Variants in DIP2C observed in about 807,000 individuals in gnomAD.
DIP2C encodes DIP2 acetate--CoA ligase C (putative).
Under a neutral mutation model 192.4 loss-of-function variants are expected in DIP2C, and 33 were observed. The ratio of observed to expected loss-of-function variants is 0.17; its 90% confidence interval spans 0.13 to 0.23. The LOEUF is 0.23. Among genes scored for constraint, DIP2C ranks in the 10% least tolerant of loss-of-function variants. DIP2C has a pLI of 1.00. For missense variants in DIP2C, 1,537 were observed against 2,110.1 expected (o/e 0.73, Z 5.32); for synonymous variants, 979 against 864.1 (o/e 1.13, Z -2.33).
intron 9 of DIP2C, among the ~76,000 whole-genome samples, chr10:406,791 A>T (rs577448312): frequency 3.3e-5 from 5 of 152,184 alleles, no homozygotes; most frequent in Middle Eastern, 3.4e-3. Context: ...ATCTCCCCAG[A>T]TTGCTCCTGG....
At chr10:339,062 C>T (rs530156189) in intron 29 of DIP2C, among the ~76,000 whole-genome samples, 3 of 152,090 alleles carry the variant, frequency 2.0e-5, no homozygotes, top group Non-Finnish European at 2.9e-5. Flanking sequence ...ACACTCCCCA[C>T]CCTGCTACAC....
intron 1 of DIP2C, among the ~76,000 whole-genome samples, chr10:591,946 A>G (rs1851428692): frequency 6.6e-6 from 1 of 152,222 alleles, no homozygotes; most frequent in Non-Finnish European, 1.5e-5. Context: ...TGTGCTTTAC[A>G]TCTTGTCTCT....
chr10:438,252 C>G (rs1967429631), intron 4 of DIP2C, among the ~76,000 whole-genome samples: 1 of 152,188 alleles, frequency 6.6e-6, no homozygotes, highest in Non-Finnish European at 1.5e-5. Flanking sequence ...GAGAAATAAG[C>G]AAGCAAATAA....
chr10:544,084 A>G (rs1848151275), intron 1 of DIP2C, among the ~76,000 whole-genome samples: 1 of 152,046 alleles, frequency 6.6e-6, no homozygotes, highest in Non-Finnish European at 1.5e-5. Flanking sequence ...CGTGACCTTT[A>G]GCATGACCTT....
chr10:351,055 T>A (rs1286482961), intron 24 of DIP2C, among the ~76,000 whole-genome samples: 3 of 151,752 alleles, frequency 2.0e-5, no homozygotes, highest in African/African-American at 7.3e-5. Context: ...GATTCAGAGA[T>A]TGGGGACAGA....
intron 1 of DIP2C, among the ~76,000 whole-genome samples, chr10:620,370 GT>G (rs1853778653): frequency 6.6e-6 from 1 of 152,100 alleles, no homozygotes; most frequent in Admixed American, 6.6e-5. Flanking sequence ...CCACAGGCCT[GT>G]TTTCTTCTCT....
At chr10:457,270 T>C (rs566125859) in intron 3 of DIP2C, among the ~76,000 whole-genome samples, 10 of 152,354 alleles carry the variant, frequency 6.6e-5, no homozygotes, top group African/African-American at 2.2e-4. Context: ...TCTGTGGACT[T>C]AATTTTTTCT....
chr10:329,427 G>C lies in DIP2C; in HGVS notation c.3753+6C>G. On this transcript the variant is annotated splice_donor_region_variant and intron_variant, in intron 30 of 36. Coordinates refer to ENST00000280886, the MANE Select transcript of DIP2C (RefSeq NM_014974.3). Reference sequence around the variant, plus strand: ...AGGGCACTGAGCTGCCAAGGGAGCTGCTTACCTTGAGGGACTCTGTTTGCG... The same window carrying C: ...AGGGCACTGAGCTGCCAAGGGAGCTCCTTACCTTGAGGGACTCTGTTTGCG... 6.2e-7 allele frequency: 1 copy of C among 1,611,422 alleles called. No individual in the cohort carries two copies. Among genetic ancestry groups the C allele is most frequent in the Non-Finnish European group, 8.5e-7 (1 of 1,178,704 alleles).
At chr10:565,832 AC>A (rs1282966273) in intron 1 of DIP2C, among the ~76,000 whole-genome samples, 2 of 152,256 alleles carry the variant, frequency 1.3e-5, no homozygotes, top group African/African-American at 4.8e-5. Context: ...GAGGTATGTA[AC>A]AGCCTAATAA....
At chr10:549,710 C>A (rs574260818) in intron 1 of DIP2C, among the ~76,000 whole-genome samples, 2 of 152,260 alleles carry the variant, frequency 1.3e-5, no homozygotes, top group Non-Finnish European at 2.9e-5. Flanking sequence ...TGGGTGCCCT[C>A]GTCACTTTTC....
At chr10:339,605 C>G (rs1343664176) in intron 29 of DIP2C, among the ~76,000 whole-genome samples, 1 of 152,154 alleles carries the variant, frequency 6.6e-6, no homozygotes, top group Non-Finnish European at 1.5e-5. Context: ...ATACGGTCAC[C>G]CTACAAGGGC....
intron 32 of DIP2C, among the ~76,000 whole-genome samples, chr10:293,202 C>A (rs1053635472): frequency 2.6e-5 from 4 of 152,240 alleles, no homozygotes; most frequent in Admixed American, 2.0e-4. Context: ...TCACTCATGA[C>A]CTGAAGGGTC....
intron 32 of DIP2C, among the ~76,000 whole-genome samples, chr10:302,037 C>G (rs1956077628): frequency 6.6e-6 from 1 of 152,098 alleles, no homozygotes; most frequent in African/African-American, 2.4e-5. Flanking sequence ...TGTCCCTTAC[C>G]CGATGATCAT....
rs183955223 is a variant in DIP2C at position 505,465 on chromosome 10, G to A, written c.86-18935C>T. ...TATTAACCCCCTGCCTGAGGCTCTC[G>A]ACTGATCCCCAGCTGTACTTCCTGG... is the stretch of plus-strand genomic sequence containing the variant. On this transcript the variant is annotated intron_variant, in intron 1 of 36. Coordinates refer to ENST00000280886, the MANE Select transcript of DIP2C (RefSeq NM_014974.3). 1.8e-3 allele frequency among the ~76,000 whole-genome samples: 273 copies of A among 152,290 alleles called. 1 individual carries two copies. The highest frequency in any genetic ancestry group is 2.9e-3 in the Non-Finnish European group (198 of 68,018).
In DIP2C at chr10:652,053, A is replaced by G. The variant is rs1263193940; in HGVS notation, c.85+37441T>C. 1 of 158,998 alleles carries G rather than the reference A, an allele frequency of 6.3e-6. No homozygotes were observed. Among genetic ancestry groups the G allele is most frequent in the African/African-American group, 2.4e-5 (1 of 41,472 alleles). 9.8% of individuals were successfully genotyped at this position (158,998 alleles called of 1,614,324 possible). ...CCTGAGTTTGGTTGAAAAAATTCAC[A>G]TATAAGTTGACCCACAAAGCTCAAG... On this transcript the variant is annotated intron_variant, in intron 1 of 36. Transcript: ENST00000280886. This position sits in a 1 kb window ranked among gnomAD's most constrained non-coding sequence, Gnocchi z 4.5.
intron 3 of DIP2C, among the ~76,000 whole-genome samples, chr10:456,382 T>C: frequency 7.1e-6 from 1 of 141,312 alleles, no homozygotes; most frequent in South Asian, 2.2e-4. Flanking sequence ...GAGAACACTC[T>C]GCAGTGAGTC....
chr10:294,085 CT>C (rs1187708478), intron 32 of DIP2C, among the ~76,000 whole-genome samples: 2 of 152,210 alleles, frequency 1.3e-5, no homozygotes, highest in Non-Finnish European at 2.9e-5. Context: ...AATCCAAACT[CT>C]TCTGTCCATC....
At chr10:685,135 CAAAAAAAAAAAAAAAAAAAA>C (rs140709069) in intron 1 of DIP2C, among the ~76,000 whole-genome samples, 1 of 72,974 alleles carries the variant, frequency 1.4e-5, no homozygotes, top group South Asian at 5.8e-4. Context: ...ACTTGGTCCC[CAAAAAAAAAAAAAAAAAAAA>C]AAAAAAATAT....
chr10:410,634 G>A (rs190939210), intron 8 of DIP2C, among the ~76,000 whole-genome samples: 1 of 152,256 alleles, frequency 6.6e-6, no homozygotes, highest in East Asian at 1.9e-4. Flanking sequence ...TCAATTCTTT[G>A]CAACTGAAAG....
Sources: gnomAD v4.1 joint callset for allele counts (sites outside exome capture counted in the v4.1 genomes callset) on GRCh38, gnomAD v4.1.1 for gene constraint, Gnocchi (gnomAD v3.1) non-coding constraint, MANE v1.5 for transcripts, NCBI Gene and HGNC (gene_info 2026-07-23, HGNC 2026-07-21) for gene names.